The following SEMA3E variants were observed in gnomAD, a reference collection of about 807,000 sequenced individuals.
The protein encoded by SEMA3E is semaphorin 3E, also known as semaphorin-3E.
Under a neutral mutation model 93.6 loss-of-function variants are expected in SEMA3E, and 49 were observed. The ratio of observed to expected loss-of-function variants is 0.52; its 90% confidence interval spans 0.42 to 0.66. The LOEUF is 0.66. SEMA3E is among the 30% of genes least tolerant of loss of function. The pLI, the probability that SEMA3E is intolerant of heterozygous loss-of-function variation, is 0.00. For synonymous variants in SEMA3E, 363 were observed against 330.7 expected (o/e 1.10, Z -1.06); for missense variants, 906 against 964.8 (o/e 0.94, Z 0.81).
At chr7:83,575,746 T>C (rs1203067777) in intron 1 of SEMA3E, among the ~76,000 whole-genome samples, 1 of 152,150 alleles carries the variant, frequency 6.6e-6, no homozygotes, top group Non-Finnish European at 1.5e-5. Context: ...TAGCTTTTGA[T>C]TAATTGAAAA....
intron 1 of SEMA3E, among the ~76,000 whole-genome samples, chr7:83,623,955 A>G (rs1338055185): frequency 7.1e-6 from 1 of 140,626 alleles, no homozygotes; most frequent in Non-Finnish European, 1.5e-5. Context: ...ACTCCCACTT[A>G]TGAGTGAGAA....
intron 1 of SEMA3E, among the ~76,000 whole-genome samples, chr7:83,585,755 T>C (rs1792614354): frequency 6.6e-6 from 1 of 152,184 alleles, no homozygotes; most frequent in South Asian, 2.1e-4. Context: ...TTGTTTTCTT[T>C]GGGAAACAAA....
rs796870352 is a variant in SEMA3E at position 83,507,672 on chromosome 7, T to C, written c.116-17398A>G. On this transcript the variant is annotated intron_variant, in intron 1 of 16. Transcript: ENST00000643230. ...CTGATGCAGGCCAGGTCGCGGTGGC[T>C]CACACGTGTAATCCCAGCATTTTAG... 2.8e-4 allele frequency among the ~76,000 whole-genome samples: 43 copies of C among 151,862 alleles called. 1 individual carries two copies. Among genetic ancestry groups the C allele is most frequent in the African/African-American group, 9.7e-4 (40 of 41,418 alleles).
chr7:83,634,625 G>A (rs1293502768), intron 1 of SEMA3E, among the ~76,000 whole-genome samples: 6 of 151,438 alleles, frequency 4.0e-5, no homozygotes, highest in African/African-American at 1.5e-4. Context: ...TTCTTATTAT[G>A]GTTATTTAAA....
At chr7:83,425,397 CACTT>C (rs1433952956) in intron 4 of SEMA3E, among the ~76,000 whole-genome samples, 2 of 151,976 alleles carry the variant, frequency 1.3e-5, no homozygotes, top group African/African-American at 4.8e-5. Context: ...TGCTTTCTGG[CACTT>C]ACTTATTTTG....
rs1348632647 is a variant in SEMA3E, at chr7:83,385,432, C to A, written c.1737G>T (p.Gly579=). Reference sequence around the variant, plus strand: ...GTTCTTCAGTCTTATCCAAAGCATCCCCTACAACAGGAACATTAATGCCAT... The same window carrying A: ...GTTCTTCAGTCTTATCCAAAGCATCACCTACAACAGGAACATTAATGCCAT... ...AQQCFGQQFV[G]DALDKTEEHL... The change falls in exon 16 of 17, where the codon GGG becomes GGT. Residue 579 remains glycine (G), a splice_region_variant and synonymous_variant. Transcript: ENST00000643230. 1.9e-6 allele frequency: 3 copies of A among 1,613,166 alleles called. No homozygotes were observed.
chr7:83,389,114 C>A (rs906193319), intron 14 of SEMA3E, among the ~76,000 whole-genome samples: 29 of 151,616 alleles, frequency 1.9e-4, no homozygotes, highest in Non-Finnish European at 2.5e-4. Context: ...TTCTACTGAA[C>A]TAGATTGAAA....
chr7:83,622,425 T>G (rs1172570866), intron 1 of SEMA3E, among the ~76,000 whole-genome samples: 1 of 152,222 alleles, frequency 6.6e-6, no homozygotes, highest in Non-Finnish European at 1.5e-5. Flanking sequence ...AGTGTGGCAC[T>G]TCCTCAAAGA....
At chr7:83,475,234 G>A (rs917072753) in intron 2 of SEMA3E, among the ~76,000 whole-genome samples, 9 of 151,788 alleles carry the variant, frequency 5.9e-5, no homozygotes, top group African/African-American at 2.4e-5. Flanking sequence ...TTAAACTTTA[G>A]TTTTACTGCA....
intron 1 of SEMA3E, among the ~76,000 whole-genome samples, chr7:83,500,609 T>TTTTTTTTA (rs1790579877): frequency 4.1e-5 from 6 of 147,540 alleles, no homozygotes; most frequent in Admixed American, 1.4e-4. Flanking sequence ...TTTTTTTTTT[T>TTTTTTTTA]GAGATAAAGT....
Position 83,366,270 on chromosome 7 carries a change from ATTTCATATTTTAGAAAGG to A in SEMA3E, c.*1298_*1315del, listed in dbSNP as rs1295316940. The A allele has an allele frequency of 6.6e-6, 1 of 152,090 alleles. No homozygotes were observed. Among genetic ancestry groups the A allele is most frequent in the Non-Finnish European group, 1.5e-5 (1 of 67,934 alleles). The allele number at this position is 152,090 out of a possible 1,614,324, so 9.4% of individuals were successfully genotyped here. On this transcript the variant is annotated 3_prime_UTR_variant, in exon 17 of 17. Transcript: ENST00000643230. ...TATTTAGGTGAAAACATCTTACAAA[ATTTCATATTTTAGAAAGG>A]TAATTGCTAAATATTTAATAGAAGA...
intron 1 of SEMA3E, chr7:83,616,723 CTTTCT>C (rs1562856526): frequency 6.3e-5 from 28 of 447,528 alleles, no homozygotes; most frequent in Non-Finnish European, 1.1e-4. Context: ...CTTCTTCTTT[CTTTCT>C]TTTTTTTTTT....
intron 1 of SEMA3E, among the ~76,000 whole-genome samples, chr7:83,570,570 AAAG>A (rs1244378739): frequency 6.8e-6 from 1 of 146,806 alleles, no homozygotes; most frequent in Non-Finnish European, 1.5e-5. Context: ...AAAAAAAAAA[AAAG>A]AAGTTAGAAA....
chr7:83,549,634 G>A (rs975559705), intron 1 of SEMA3E, among the ~76,000 whole-genome samples: 1 of 151,852 alleles, frequency 6.6e-6, no homozygotes, highest in African/African-American at 2.4e-5. Flanking sequence ...TATATCCATA[G>A]GACATTTTCA....
intron 1 of SEMA3E, among the ~76,000 whole-genome samples, chr7:83,544,752 T>C (rs1391288993): frequency 6.6e-6 from 1 of 152,082 alleles, no homozygotes; most frequent in Non-Finnish European, 1.5e-5. Context: ...AAGTTGGCAT[T>C]CTTAACATAG....
intron 4 of SEMA3E, among the ~76,000 whole-genome samples, chr7:83,430,608 C>T (rs985033190): frequency 3.3e-5 from 5 of 152,074 alleles, no homozygotes; most frequent in African/African-American, 4.8e-5. Flanking sequence ...TGTTCTCACT[C>T]GTAAGTGGGA....
chr7:83,420,368 G>T (rs1006946341), intron 4 of SEMA3E, among the ~76,000 whole-genome samples: 12 of 152,074 alleles, frequency 7.9e-5, no homozygotes, highest in African/African-American at 2.9e-4. Context: ...TGGTTAAAAT[G>T]GCCATACTGC....
At chr7:83,438,404 A>G (rs1332038710) in intron 4 of SEMA3E, among the ~76,000 whole-genome samples, 2 of 152,194 alleles carry the variant, frequency 1.3e-5, no homozygotes, top group Non-Finnish European at 2.9e-5. Context: ...GCAGAATAAA[A>G]TGAAGTTTCG....
chr7:83,478,863 C>A (rs114111782), intron 2 of SEMA3E, among the ~76,000 whole-genome samples: 35 of 152,182 alleles, frequency 2.3e-4, no homozygotes, highest in Non-Finnish European at 4.7e-4. Context: ...TCAGTGATGG[C>A]TTCTAATACA....
Sources: gnomAD v4.1 joint callset for allele counts (sites outside exome capture counted in the v4.1 genomes callset) on GRCh38, gnomAD v4.1.1 for gene constraint, MANE v1.5 for transcripts, NCBI Gene and HGNC (gene_info 2026-07-23, HGNC 2026-07-21) for gene names.